The following AGBL1 variants were observed in gnomAD, a reference collection of about 807,000 sequenced individuals.
The protein encoded by AGBL1 is AGBL carboxypeptidase 1, also known as cytosolic carboxypeptidase 4.
In AGBL1, 130 loss-of-function variants were observed where a neutral mutation model predicts 118.9. The observed-to-expected ratio is 1.09, with a 90% CI of 0.95 to 1.26. The LOEUF is 1.26. Among genes scored for constraint, AGBL1 ranks in the 50% most tolerant of loss-of-function variants. The probability of loss-of-function intolerance (pLI) is 0.00; values close to 1 mark genes in which losing one functional copy is unlikely to be tolerated. For synonymous variants in AGBL1, 555 were observed against 478.9 expected (o/e 1.16, Z -2.08); for missense variants, 1,584 against 1,298.1 (o/e 1.22, Z -3.38).
At chr15:86,746,409 G>A (rs989011982) in intron 22 of AGBL1, among the ~76,000 whole-genome samples, 2 of 152,000 alleles carry the variant, frequency 1.3e-5, no homozygotes, top group South Asian at 2.1e-4. Flanking sequence ...TGAGGTCTCA[G>A]TATAAACATC....
intron 22 of AGBL1, among the ~76,000 whole-genome samples, chr15:86,868,907 G>T (rs2141497723): frequency 6.6e-6 from 1 of 152,336 alleles, no homozygotes; most frequent in Middle Eastern, 3.4e-3. Context: ...TAAACTGCCT[G>T]TGCTTTTAGT....
chr15:86,567,160 T>C (rs2083929408), intron 21 of AGBL1, among the ~76,000 whole-genome samples: 1 of 152,254 alleles, frequency 6.6e-6, no homozygotes, highest in Admixed American at 6.5e-5. Context: ...ATAATCATTT[T>C]ATTCCAACCT....
At chr15:86,328,379 C>T (rs912005406) in intron 17 of AGBL1, among the ~76,000 whole-genome samples, 1 of 152,132 alleles carries the variant, frequency 6.6e-6, no homozygotes, top group African/African-American at 2.4e-5. Flanking sequence ...ATTACTAAGA[C>T]ATCCCTTGAA....
chr15:86,513,241 G>C (rs187060261), intron 18 of AGBL1, among the ~76,000 whole-genome samples: 1 of 151,862 alleles, frequency 6.6e-6, no homozygotes, highest in East Asian at 1.9e-4. Context: ...TAGTTCCTCA[G>C]GTTTTTTTTC....
chr15:86,162,629 C>T (rs145594157), intron 5 of AGBL1, among the ~76,000 whole-genome samples: 22 of 152,300 alleles, frequency 1.4e-4, no homozygotes, highest in Non-Finnish European at 2.4e-4. Context: ...TTCCTTCCTT[C>T]GGCTCCTCAT....
chr15:86,372,658 T>A (rs982549132), intron 17 of AGBL1, among the ~76,000 whole-genome samples: 1 of 152,242 alleles, frequency 6.6e-6, no homozygotes, highest in African/African-American at 2.4e-5. Flanking sequence ...ATGGTCGTAG[T>A]TTTCCTGGCT....
intron 21 of AGBL1, among the ~76,000 whole-genome samples, chr15:86,654,766 T>G (rs574018340): frequency 7.9e-5 from 12 of 152,098 alleles, no homozygotes; most frequent in Non-Finnish European, 1.3e-4. Context: ...AAACCTTTTC[T>G]GATGATGGGC....
At chr15:86,808,776 T>A (rs1422679403) in intron 22 of AGBL1, among the ~76,000 whole-genome samples, 1 of 151,748 alleles carries the variant, frequency 6.6e-6, no homozygotes, top group African/African-American at 2.4e-5. Flanking sequence ...TTTCTTTAGT[T>A]CCTTCCATTC....
At chr15:86,979,087 AAT>A (rs777218975) in intron 23 of AGBL1, among the ~76,000 whole-genome samples, 3 of 152,188 alleles carry the variant, frequency 2.0e-5, no homozygotes, top group Non-Finnish European at 4.4e-5. Flanking sequence ...TCCTACTTGT[AAT>A]GCTTGGTGAT....
At chr15:86,164,022 G>A (rs912945336) in intron 5 of AGBL1, among the ~76,000 whole-genome samples, 11 of 152,226 alleles carry the variant, frequency 7.2e-5, no homozygotes, top group Admixed American at 1.3e-4. Flanking sequence ...GAGAGACTGC[G>A]AAGCAGCAGC....
chr15:86,988,362 A>G (rs575945541), intron 24 of AGBL1: 27 of 278,432 alleles, frequency 9.7e-5, no homozygotes, highest in African/African-American at 4.2e-4. Flanking sequence ...GTTGATCTCA[A>G]TTGGTGGATC....
intron 17 of AGBL1, among the ~76,000 whole-genome samples, chr15:86,357,312 T>G (rs2080736768): frequency 6.6e-6 from 1 of 152,220 alleles, no homozygotes; most frequent in Non-Finnish European, 1.5e-5. Flanking sequence ...TGATAATGAA[T>G]TCTATGTCTT....
rs1265126579 is a variant in AGBL1, at chr15:86,932,024, AT to A, written c.3222-55962del. Among the ~76,000 whole-genome samples the A allele has an allele frequency of 4.6e-5, 7 of 152,184 alleles. No individual in the cohort carries two copies. The East Asian group carries it at 1.4e-3, about 29-fold the overall frequency. On this transcript the variant is annotated intron_variant, in intron 23 of 24. Transcript: ENST00000441037. ...AATGTAATTGTGGAATCATAGAGTT[AT>A]AAAGCTGGAAGGGATTTTAAATTTA... is the stretch of plus-strand genomic sequence containing the variant.
chr15:86,879,344 G>A (rs2079857957), intron 22 of AGBL1, among the ~76,000 whole-genome samples: 2 of 152,140 alleles, frequency 1.3e-5, no homozygotes, highest in Non-Finnish European at 2.9e-5. Flanking sequence ...AGCTGCTCAG[G>A]GGATGTTGGG....
At chr15:86,480,572 T>C (rs2082637801) in intron 18 of AGBL1, among the ~76,000 whole-genome samples, 1 of 152,002 alleles carries the variant, frequency 6.6e-6, no homozygotes, top group South Asian at 2.1e-4. Flanking sequence ...TCTAGTACTA[T>C]GAAAAGATGA....
intron 23 of AGBL1, among the ~76,000 whole-genome samples, chr15:86,948,800 G>A (rs1305066757): frequency 6.6e-6 from 1 of 152,208 alleles, no homozygotes; most frequent in Non-Finnish European, 1.5e-5. Flanking sequence ...ATAACTATTT[G>A]ATATCTTGGA....
At chr15:86,965,348 A>G (rs1245728461) in intron 23 of AGBL1, among the ~76,000 whole-genome samples, 1 of 151,934 alleles carries the variant, frequency 6.6e-6, no homozygotes, top group Non-Finnish European at 1.5e-5. Flanking sequence ...ATGGTATCTC[A>G]TTGTGGTTTT....
intron 22 of AGBL1, among the ~76,000 whole-genome samples, chr15:86,888,186 C>T: frequency 6.6e-6 from 1 of 152,024 alleles, no homozygotes; most frequent in East Asian, 1.9e-4. Flanking sequence ...AAGACCAGTC[C>T]TGTTGCCTTA....
rs768390442 is a variant in AGBL1, at chr15:86,264,631, G to A, written c.1460G>A (p.Arg487Lys). 5.0e-6 allele frequency: 8 copies of A among 1,613,728 alleles called. No homozygotes were observed. The highest frequency in any genetic ancestry group is 5.9e-6 in the Non-Finnish European group (7 of 1,179,846). ...AGTGCCTCCTTTTCTAATTCCACTA[G>A]GACTAGAGAAGTTGTCAAAGTAATA... ...RMSASFSNSTRTREVVKVIDK... is the reference protein window; with the variant it reads ...RMSASFSNSTKTREVVKVIDK... Residue 487 changes from arginine to lysine, a missense_variant, in exon 11 of 23, where the codon AGG becomes AAG. Physicochemically the swap from Arg to Lys is conservative, Grantham distance 26. Coordinates refer to ENST00000614907, the MANE Select transcript of AGBL1 (RefSeq NM_001386094.1).
Sources: gnomAD v4.1 joint callset for allele counts (sites outside exome capture counted in the v4.1 genomes callset) on GRCh38, gnomAD v4.1.1 for gene constraint, MANE v1.5 for transcripts, NCBI Gene and HGNC (gene_info 2026-07-23, HGNC 2026-07-21) for gene names.